CLDN10: variants seen among roughly 807,000 people sequenced by gnomAD.
CLDN10 encodes claudin 10.
A neutral mutation model predicts 22.9 loss-of-function variants in CLDN10; 15 were observed. The ratio of observed to expected loss-of-function variants is 0.65; its 90% confidence interval spans 0.44 to 1.01. The LOEUF (loss-of-function observed/expected upper bound fraction) is 1.01, where lower values mean the gene tolerates loss of function less well. Ranked by LOEUF, CLDN10 falls within the 50% of genes least tolerant of loss-of-function variation. The pLI, the probability that CLDN10 is intolerant of heterozygous loss-of-function variation, is 0.00. For synonymous variants in CLDN10, 114 were observed against 111.4 expected (o/e 1.02, Z -0.15); for missense variants, 247 against 287.8 (o/e 0.86, Z 1.03).
intron 3 of CLDN10, among the ~76,000 whole-genome samples, chr13:95,572,988 G>A (rs1018162589): frequency 2.6e-5 from 4 of 152,214 alleles, no homozygotes; most frequent in African/African-American, 9.6e-5. Flanking sequence ...ACAAGTTGAA[G>A]TATGAAATGC....
chr13:95,473,645 G>C (rs1461894160), intron 1 of CLDN10, among the ~76,000 whole-genome samples: 1 of 152,214 alleles, frequency 6.6e-6, no homozygotes, highest in East Asian at 1.9e-4. Context: ...ACCCAGAAGG[G>C]CTACGGGAAC....
In CLDN10 at chr13:95,560,189, G is replaced by A; in HGVS notation, c.278G>A (p.Gly93Asp). The change falls in exon 2 of 5, where the codon GGT becomes GAT. Residue 93 changes from glycine (G) to aspartate (D), a missense_variant. Physicochemically the swap from Gly to Asp is moderately conservative, Grantham distance 94. Transcript: ENST00000299339. ...MIAAVSLGFF[G>D]SIFALFGMKC... is the part of the protein sequence containing the mutation. The stretch of plus-strand genomic sequence containing the variant: ...GCTGCTGTCAGCCTGGGCTTCTTTG[G>A]TTCCATATTTGCGCTCTTTGGAATG... 6.2e-7 allele frequency: 1 copy of A among 1,614,168 alleles called. No individual in the cohort carries two copies. The highest frequency in any genetic ancestry group is 8.5e-7 in the Non-Finnish European group (1 of 1,180,010).
intron 1 of CLDN10, among the ~76,000 whole-genome samples, chr13:95,460,683 T>C (rs2042527849): frequency 6.6e-6 from 1 of 152,170 alleles, no homozygotes; most frequent in Non-Finnish European, 1.5e-5. Context: ...AGATATTGGG[T>C]GAGGACACAG....
intron 1 of CLDN10, among the ~76,000 whole-genome samples, chr13:95,530,419 T>A (rs1381864364): frequency 1.3e-5 from 2 of 152,158 alleles, no homozygotes; most frequent in East Asian, 1.9e-4. Context: ...AACAGGCTAT[T>A]GAATTACTGG....
At position 95,493,194 on chromosome 13, in the gene CLDN10, C is replaced by T. The variant is rs569573095; in HGVS notation, c.214+59147C>T. On this transcript the variant is annotated intron_variant, in intron 1 of 4. Coordinates refer to the CLDN10 transcript ENST00000376873. ...CCACCTCTGCCACCCCTGCCGCTACCGCCAAGCCAGTGACCTCAGGTACCT... is the reference window on the plus strand; with the variant it reads ...CCACCTCTGCCACCCCTGCCGCTACTGCCAAGCCAGTGACCTCAGGTACCT... Among the ~76,000 whole-genome samples, 33 of 152,272 alleles carry T rather than the reference C, an allele frequency of 2.2e-4. 1 individual carries two copies. The South Asian group carries it at 5.8e-3, about 27-fold the overall frequency.
rs1046003057 is a variant in CLDN10 at position 95,579,139 on chromosome 13, G to A, written c.*1125G>A. ...AAAATTCAAAAAATTGCAACCTCAG[G>A]CATAAATGGGTTAAGGACATCCCAA... On this transcript the variant is annotated 3_prime_UTR_variant, in exon 5 of 5. Coordinates refer to ENST00000299339, the MANE Select transcript of CLDN10 (RefSeq NM_006984.5). 6.6e-6 allele frequency: 1 copy of A among 152,158 alleles called. No homozygotes were observed. The highest frequency in any genetic ancestry group is 1.5e-5 in the Non-Finnish European group (1 of 68,048). 9.4% of individuals were successfully genotyped at this position (152,158 alleles called of 1,614,324 possible).
chr13:95,498,460 T>C (rs1199942382), intron 1 of CLDN10, among the ~76,000 whole-genome samples: 2 of 152,204 alleles, frequency 1.3e-5, no homozygotes, highest in Non-Finnish European at 1.5e-5. Context: ...AGTGGTGCCA[T>C]CACGGCTCAG....
At chr13:95,483,865 G>A (rs1329089103) in intron 1 of CLDN10, among the ~76,000 whole-genome samples, 1 of 152,202 alleles carries the variant, frequency 6.6e-6, no homozygotes, top group Admixed American at 6.5e-5. Flanking sequence ...AACCCCCAAG[G>A]TGATGGTATT....
Position 95,564,021 on chromosome 13 carries a change from C to CAGAA in CLDN10, c.464+3558_464+3559insAGAA, listed in dbSNP as rs1378843280. 5.9e-5 allele frequency among the ~76,000 whole-genome samples: 9 copies of CAGAA among 152,308 alleles called. 1 individual carries two copies. The South Asian group carries it at 1.9e-3, about 32-fold the overall frequency. On this transcript the variant is annotated intron_variant, in intron 3 of 4. Coordinates refer to ENST00000299339, the MANE Select transcript of CLDN10 (RefSeq NM_006984.5). ...ATTTGCTGGAATTTGATAATTGATG[C>CAGAA]TTCTGGTTTTGTTTGTACATGAACT...
At chr13:95,452,003 C>T (rs565175747) in intron 1 of CLDN10, among the ~76,000 whole-genome samples, 224 of 152,336 alleles carry the variant, frequency 1.5e-3, no homozygotes, top group Middle Eastern at 6.8e-3. Context: ...CTCTTAGCGG[C>T]TCACCCTGGT....
chr13:95,508,029 A>T (rs985929297), intron 1 of CLDN10, among the ~76,000 whole-genome samples: 16 of 152,156 alleles, frequency 1.1e-4, no homozygotes, highest in African/African-American at 3.4e-4. Flanking sequence ...TGGAGGCTGC[A>T]GTGAGCCATG....
intron 1 of CLDN10, among the ~76,000 whole-genome samples, chr13:95,476,411 G>A (rs368562784): frequency 3.3e-5 from 5 of 152,158 alleles, no homozygotes; most frequent in East Asian, 1.9e-4. Context: ...GTGTCCTCAC[G>A]TGGTGGCAGA....
chr13:95,495,424 A>G (rs1286917862), intron 1 of CLDN10, among the ~76,000 whole-genome samples: 1 of 151,578 alleles, frequency 6.6e-6, no homozygotes, highest in Non-Finnish European at 1.5e-5. Flanking sequence ...CTTTTATTTG[A>G]GTCCATGTCT....
At chr13:95,458,000 A>G (rs1289769324) in intron 1 of CLDN10, among the ~76,000 whole-genome samples, 1 of 152,146 alleles carries the variant, frequency 6.6e-6, no homozygotes, top group Admixed American at 6.5e-5. Flanking sequence ...GCTGATCTCA[A>G]CTGGACTCAA....
intron 1 of CLDN10, among the ~76,000 whole-genome samples, chr13:95,492,141 C>T (rs1425817863): frequency 6.6e-6 from 1 of 152,150 alleles, no homozygotes; most frequent in Non-Finnish European, 1.5e-5. Flanking sequence ...TGCTGGTTGG[C>T]CTCCTGCCAG....
intron 1 of CLDN10, among the ~76,000 whole-genome samples, chr13:95,555,868 C>T (rs2043632761): frequency 6.6e-6 from 1 of 152,080 alleles, no homozygotes; most frequent in Non-Finnish European, 1.5e-5. Flanking sequence ...CCTGACATTG[C>T]CTTTGGAGAA....
Position 95,578,008 on chromosome 13 carries a change from T to C in CLDN10, c.681T>C (p.Tyr227=). The change falls in exon 5 of 5, where the codon TAT becomes TAC. Residue 227 remains tyrosine, a synonymous_variant. Transcript: ENST00000299339. ...CAAAACAGTTTGATAAAAATGCTTA[T>C]GTCTAAAAGAGCTCGCTGGCAAGCT... ...NPSKQFDKNA[Y]V is the part of the protein sequence containing the mutation. The C allele has an allele frequency of 6.3e-7, 1 of 1,595,418 alleles. No homozygotes were observed. The highest frequency in any genetic ancestry group is 8.6e-7 in the Non-Finnish European group (1 of 1,164,524).
chr13:95,454,684 A>G (rs1287058032), intron 1 of CLDN10, among the ~76,000 whole-genome samples: 1 of 152,150 alleles, frequency 6.6e-6, no homozygotes, highest in Non-Finnish European at 1.5e-5. Context: ...GGGGTGTGGG[A>G]TCCTTGTCAG....
intron 1 of CLDN10, among the ~76,000 whole-genome samples, chr13:95,523,769 CG>C (rs1484654998): frequency 6.6e-6 from 1 of 152,092 alleles, no homozygotes; most frequent in African/African-American, 2.4e-5. Flanking sequence ...AGATATGTTA[CG>C]GCATGATTTC....
Sources: allele counts gnomAD v4.1 joint callset (sites outside exome capture counted in the v4.1 genomes callset), GRCh38; gene constraint gnomAD v4.1.1; transcripts MANE v1.5; gene names NCBI Gene and HGNC (gene_info 2026-07-23, HGNC 2026-07-21).